The following GAB1 variants were observed in gnomAD, a reference collection of about 807,000 sequenced individuals.
GAB1 encodes GRB2-associated-binding protein 1.
Under a neutral mutation model 66.5 loss-of-function variants are expected in GAB1, and 19 were observed. That is an observed-to-expected ratio of 0.29 (90% CI 0.20 to 0.42). GAB1 has a LOEUF of 0.42. GAB1 is among the 10% of genes least tolerant of loss of function. The pLI is 1.00. For synonymous variants in GAB1, 294 were observed against 301.4 expected (o/e 0.98, Z 0.25); for missense variants, 732 against 858.5 (o/e 0.85, Z 1.84).
intron 1 of GAB1, chr4:143,376,897 G>A (rs1046617998): frequency 6.6e-6 from 1 of 152,138 alleles, no homozygotes; most frequent in Non-Finnish European, 1.5e-5. Flanking sequence ...TCTCATGCAT[G>A]TAAGCTGCTT....
intron 2 of GAB1, among the ~76,000 whole-genome samples, chr4:143,427,766 G>A (rs1733442852): frequency 6.6e-6 from 1 of 151,936 alleles, no homozygotes; most frequent in African/African-American, 2.4e-5. Context: ...TTTTTTCAAA[G>A]GAGTCCTACG....
intron 1 of GAB1, among the ~76,000 whole-genome samples, chr4:143,354,768 A>G (rs1213255255): frequency 6.6e-6 from 1 of 152,212 alleles, no homozygotes; most frequent in African/African-American, 2.4e-5. Flanking sequence ...TAATACTCAG[A>G]GATTTCCAAA....
At chr4:143,416,261 A>C (rs1732680007) in intron 2 of GAB1, among the ~76,000 whole-genome samples, 1 of 152,086 alleles carries the variant, frequency 6.6e-6, no homozygotes, top group South Asian at 2.1e-4. Context: ...AAAAAAAATT[A>C]GCCGGGCTTG....
At chr4:143,439,997 T>C in intron 5 of GAB1, 82 bp from the exon 6 acceptor site, 2 of 1,414,936 alleles carry the variant, frequency 1.4e-6, no homozygotes, top group Non-Finnish European at 2.0e-6. Context: ...CTGAGATCCA[T>C]ATGAATGAGT....
chr4:143,405,837 A>G (rs1028807317), intron 1 of GAB1, among the ~76,000 whole-genome samples: 3 of 152,160 alleles, frequency 2.0e-5, no homozygotes, highest in Non-Finnish European at 2.9e-5. Context: ...GAATTTGCAG[A>G]AAGAAAGGTG....
intron 1 of GAB1, among the ~76,000 whole-genome samples, chr4:143,399,184 G>A (rs1179441257): frequency 6.6e-6 from 1 of 152,148 alleles, no homozygotes; most frequent in Non-Finnish European, 1.5e-5. Context: ...AAGTAAAGTG[G>A]CCAGACCATG....
chr4:143,409,132 G>A (rs568802719), intron 1 of GAB1, among the ~76,000 whole-genome samples: 1 of 152,350 alleles, frequency 6.6e-6, no homozygotes, highest in East Asian at 1.9e-4. Flanking sequence ...AGGAGCTGAT[G>A]CCTTATCTCA....
Position 143,437,406 on chromosome 4 carries a change from G to A in GAB1, c.594-593G>A, listed in dbSNP as rs368706115. ...TGGTTAACTCTGTATCACGTATTTC[G>A]ATCCTCTTTATAATGTTGGCTAAAT... On this transcript the variant is annotated intron_variant, in intron 3 of 9. Transcript: ENST00000262994. 6.6e-5 allele frequency among the ~76,000 whole-genome samples: 10 copies of A among 152,246 alleles called. 1 individual carries two copies. Among genetic ancestry groups the A allele is most frequent in the East Asian group, 3.9e-4 (2 of 5,190 alleles).
Position 143,446,413 on chromosome 4 carries a change from G to T in GAB1, c.1585+6031G>T, listed in dbSNP as rs559191258. On this transcript the variant is annotated intron_variant, in intron 6 of 9. Transcript: ENST00000262994. The stretch of plus-strand genomic sequence containing the variant: ...GAACTAGTTTACAGTCCCACCAACA[G>T]TGTAAAAGTGTTCCTATTTCTCCAC... Among the ~76,000 whole-genome samples, 824 of 152,064 alleles carry T rather than the reference G, an allele frequency of 5.4e-3. 7 individuals are homozygous for T. The highest frequency in any genetic ancestry group is 0.018 in the African/African-American group (762 of 41,524).
intron 2 of GAB1, among the ~76,000 whole-genome samples, chr4:143,427,550 A>G (rs1016865224): frequency 6.6e-6 from 1 of 151,998 alleles, no homozygotes; most frequent in South Asian, 2.1e-4. Flanking sequence ...AAAAAAAACA[A>G]CAACAACAAC....
At chr4:143,447,294 A>G (rs1257378789) in intron 6 of GAB1, among the ~76,000 whole-genome samples, 5 of 152,054 alleles carry the variant, frequency 3.3e-5, no homozygotes, top group African/African-American at 1.2e-4. Context: ...TTTTGGTTCT[A>G]TATGAACTTT....
intron 1 of GAB1, among the ~76,000 whole-genome samples, chr4:143,351,331 A>T (rs1359543669): frequency 6.6e-6 from 1 of 152,134 alleles, no homozygotes. Flanking sequence ...TTTCCCCTGG[A>T]GTCCGGCCAC....
rs1263440232 is a variant in GAB1 at position 143,446,128 on chromosome 4, AT to A, written c.1585+5752del. ...TCCCTACAAAGGACATGAACTCATC[AT>A]TTTTTATGGCTGCATAGTATTCCAT... On this transcript the variant is annotated intron_variant, in intron 6 of 9. Coordinates refer to ENST00000262994, the MANE Select transcript of GAB1 (RefSeq NM_002039.4). Among the ~76,000 whole-genome samples the A allele has an allele frequency of 3.3e-5, 5 of 151,960 alleles. No homozygotes were observed. In the East Asian group the frequency reaches 9.7e-4, roughly 29 times the overall value.
chr4:143,459,221 T>C, intron 6 of GAB1, among the ~76,000 whole-genome samples, 164 bp from the exon 7 acceptor site: 1 of 152,140 alleles, frequency 6.6e-6, no homozygotes, highest in East Asian at 1.9e-4. Context: ...CTATGTAACC[T>C]TGGGCAAATC....
chr4:143,397,206 A>G (rs1306460293), intron 1 of GAB1, among the ~76,000 whole-genome samples: 1 of 152,224 alleles, frequency 6.6e-6, no homozygotes, highest in African/African-American at 2.4e-5. Flanking sequence ...CTGATTGGAA[A>G]GACAAGATGC....
chr4:143,350,949 G>T (rs1020758400), intron 1 of GAB1, among the ~76,000 whole-genome samples: 1 of 152,078 alleles, frequency 6.6e-6, no homozygotes, highest in East Asian at 1.9e-4. Context: ...TGTCCCCCTC[G>T]CAGGGCATGC....
At chr4:143,412,837 T>C (rs1201597978) in intron 1 of GAB1, among the ~76,000 whole-genome samples, 1 of 152,054 alleles carries the variant, frequency 6.6e-6, no homozygotes, top group Non-Finnish European at 1.5e-5. Context: ...AAGTGACAGT[T>C]GATGGAAATT....
At chr4:143,360,324 T>A (rs894205674) in intron 1 of GAB1, among the ~76,000 whole-genome samples, 1 of 152,216 alleles carries the variant, frequency 6.6e-6, no homozygotes, top group African/African-American at 2.4e-5. Flanking sequence ...TATTTTTCTA[T>A]TTTAAATTTG....
intron 2 of GAB1, among the ~76,000 whole-genome samples, chr4:143,431,228 A>C (rs766465005): frequency 5.3e-5 from 8 of 152,220 alleles, no homozygotes; most frequent in Non-Finnish European, 1.0e-4. Flanking sequence ...AAGGCCTAAT[A>C]AACAGTTATA....
Sources: allele counts gnomAD v4.1 joint callset (sites outside exome capture counted in the v4.1 genomes callset), GRCh38; gene constraint gnomAD v4.1.1; transcripts MANE v1.5; gene names NCBI Gene and HGNC (gene_info 2026-07-23, HGNC 2026-07-21).